TSGA10: variants seen among roughly 807,000 people sequenced by gnomAD.
The protein encoded by TSGA10 is testis-specific gene 10 protein.
A neutral mutation model predicts 96.6 loss-of-function variants in TSGA10; 43 were observed. That is an observed-to-expected ratio of 0.44 (90% CI 0.35 to 0.57). TSGA10 has a LOEUF of 0.57. Ranked by LOEUF, TSGA10 falls within the 20% of genes least tolerant of loss-of-function variation. The pLI, the probability that TSGA10 is intolerant of heterozygous loss-of-function variation, is 0.01. For synonymous variants in TSGA10, 229 were observed against 269.9 expected (o/e 0.85, Z 1.48); for missense variants, 703 against 834.4 (o/e 0.84, Z 1.94).
intron 16 of TSGA10, among the ~76,000 whole-genome samples, chr2:99,037,669 T>G (rs2081771441): frequency 6.6e-6 from 1 of 151,984 alleles, no homozygotes; most frequent in African/African-American, 2.4e-5. Context: ...GCCAACATAA[T>G]GAAACCCTGT....
At position 99,112,916 on chromosome 2, in the gene TSGA10, C is replaced by T. The variant is rs916958092; in HGVS notation, c.-139-2001G>A. 6.1e-5 allele frequency among the ~76,000 whole-genome samples: 9 copies of T among 147,712 alleles called. No homozygotes were observed. The South Asian group carries it at 6.5e-4, about 11-fold the overall frequency. On this transcript the variant is annotated intron_variant, in intron 4 of 20. Transcript: ENST00000393483. ...ACTTTACACAATGTCTTCCACACAGCGGGCTCTGAAATACTTTTTATTGAA... is the reference window on the plus strand; with the variant it reads ...ACTTTACACAATGTCTTCCACACAGTGGGCTCTGAAATACTTTTTATTGAA...
chr2:99,067,833 G>A (rs2085443932), intron 15 of TSGA10, among the ~76,000 whole-genome samples: 1 of 150,608 alleles, frequency 6.6e-6, no homozygotes, highest in Admixed American at 6.6e-5. Flanking sequence ...GCAATACAGT[G>A]AGCCTGTCTC....
intron 16 of TSGA10, among the ~76,000 whole-genome samples, chr2:99,054,683 A>G (rs976379806): frequency 5.3e-5 from 8 of 152,208 alleles, no homozygotes; most frequent in Non-Finnish European, 1.0e-4. Flanking sequence ...AAAAATGGGC[A>G]AAGAGCCTGA....
chr2:99,058,119 A>C (rs2084212315), intron 16 of TSGA10, among the ~76,000 whole-genome samples: 2 of 152,202 alleles, frequency 1.3e-5, no homozygotes, highest in African/African-American at 4.8e-5. Context: ...AAAATGCATC[A>C]AAGACCTAAT....
chr2:99,018,674 AAACTT>A (rs1464899589), intron 18 of TSGA10, 34 bp from the exon 19 acceptor site: 1 of 1,558,008 alleles, frequency 6.4e-7, no homozygotes, highest in Admixed American at 1.9e-5. Flanking sequence ...ATAGTTGACT[AAACTT>A]AAAATATGGC....
rs544686050 is a variant in TSGA10, at chr2:99,046,163, G to A, written c.1405-10724C>T. 3.1e-4 allele frequency among the ~76,000 whole-genome samples: 47 copies of A among 152,044 alleles called. 1 individual carries two copies. In the South Asian group the frequency reaches 3.7e-3, roughly 12 times the overall value. On this transcript the variant is annotated intron_variant, in intron 16 of 20. Coordinates refer to ENST00000393483, the MANE Select transcript of TSGA10 (RefSeq NM_025244.4). ...CCCACTGTCAACATTAGACAGATCA[G>A]CGAGACAGAAAGTTAACAAGGATAC...
At chr2:99,054,345 AACATAT>A (rs1180504393) in intron 16 of TSGA10, among the ~76,000 whole-genome samples, 4 of 152,182 alleles carry the variant, frequency 2.6e-5, no homozygotes, top group Admixed American at 1.3e-4. Context: ...CCCTTATTTC[AACATAT>A]ACAAAAATCA....
At chr2:99,081,245 G>T in intron 11 of TSGA10, 37 bp downstream of exon 11, 2 of 1,239,156 alleles carry the variant, frequency 1.6e-6, no homozygotes, top group Non-Finnish European at 2.3e-6. Context: ...CCAAACTTAA[G>T]AAAAACTAAA....
intron 11 of TSGA10, among the ~76,000 whole-genome samples, chr2:99,079,152 G>A (rs1317382894): frequency 6.6e-6 from 1 of 152,100 alleles, no homozygotes; most frequent in Non-Finnish European, 1.5e-5. Flanking sequence ...AACAATCTGC[G>A]GCATTTCTCT....
In TSGA10 at chr2:98,998,138, A is replaced by G. The variant is rs1558667181; in HGVS notation, c.*59T>C. On this transcript the variant is annotated 3_prime_UTR_variant, in exon 21 of 21. Transcript: ENST00000393483. ...GATAAATGCACTCATGTAGCAAAAAAAAAAAAATCAGTTTGTAACTTTGAC... is the reference window on the plus strand; with the variant it reads ...GATAAATGCACTCATGTAGCAAAAAGAAAAAAATCAGTTTGTAACTTTGAC... 11 of 1,510,556 alleles carry G rather than the reference A, an allele frequency of 7.3e-6. No individual in the cohort carries two copies. Among genetic ancestry groups the G allele is most frequent in the Non-Finnish European group, 9.9e-6 (11 of 1,112,320 alleles). The allele number at this position is 1,510,556 out of a possible 1,614,324, so 93.6% of individuals were successfully genotyped here.
chr2:99,000,920 G>A (rs955344973), intron 20 of TSGA10, among the ~76,000 whole-genome samples: 5 of 152,208 alleles, frequency 3.3e-5, no homozygotes, highest in Admixed American at 2.6e-4. Flanking sequence ...AAGGCTGGGA[G>A]AGGGGCATCC....
chr2:99,006,249 TA>T (rs2078459835), intron 20 of TSGA10, among the ~76,000 whole-genome samples: 1 of 152,140 alleles, frequency 6.6e-6, no homozygotes, highest in Admixed American at 6.6e-5. Context: ...ACTTCATGTC[TA>T]AAACACCAAA....
At chr2:99,075,703 T>G (rs2086627457) in intron 12 of TSGA10, among the ~76,000 whole-genome samples, 1 of 152,202 alleles carries the variant, frequency 6.6e-6, no homozygotes, top group Admixed American at 6.5e-5. Context: ...CATAAAATCT[T>G]ATACAAAGTT....
chr2:99,061,219 A>G (rs1235811865), intron 16 of TSGA10, among the ~76,000 whole-genome samples: 1 of 152,218 alleles, frequency 6.6e-6, no homozygotes, highest in Non-Finnish European at 1.5e-5. Flanking sequence ...AAGATGGGCA[A>G]TAGATTTGAA....
rs755106652 is a variant in TSGA10 at position 99,035,348 on chromosome 2, A to G, written c.1496T>C (p.Phe499Ser). Reference sequence around the variant, plus strand: ...ATCTGCAAGAGCGGACACTTTTTCAAACTGAACCTTCTGAAGCTCCTCTTC... The same window carrying G: ...ATCTGCAAGAGCGGACACTTTTTCAGACTGAACCTTCTGAAGCTCCTCTTC... ...KMEEELQKVQ[F>S]EKVSALADLS... The change falls in exon 17 of 21, where the codon TTT (phenylalanine) becomes TCT (serine). Residue 499 changes from phenylalanine to serine, a missense_variant. Around this residue, in one of 3 missense-constraint regions of TSGA10, gnomAD observed 585 missense variants for 656.8 expected, o/e 0.89. Transcript: ENST00000393483. The G allele has an allele frequency of 3.7e-6, 6 of 1,613,426 alleles. No individual in the cohort carries two copies. Among genetic ancestry groups the G allele is most frequent in the Middle Eastern group, 1.7e-4 (1 of 6,056 alleles).
At chr2:99,018,470 A>G in intron 19 of TSGA10, 66 bp downstream of exon 19, 1 of 1,572,974 alleles carries the variant, frequency 6.4e-7, no homozygotes, top group Admixed American at 1.8e-5. Flanking sequence ...ACCTCTTGTT[A>G]CCTAAGAAAC....
intron 12 of TSGA10, among the ~76,000 whole-genome samples, chr2:99,078,029 T>A (rs1415961954): frequency 1.3e-5 from 2 of 151,082 alleles, no homozygotes. Flanking sequence ...CCCAGCACTT[T>A]GGGAGGCTGA....
chr2:99,008,580 A>G (rs894686207), intron 20 of TSGA10, among the ~76,000 whole-genome samples: 7 of 152,220 alleles, frequency 4.6e-5, no homozygotes, highest in East Asian at 1.9e-4. Flanking sequence ...ACTTTCACAC[A>G]TTGCTGAAGG....
chr2:99,117,735 G>T lies in TSGA10; in HGVS notation c.-331C>A. On this transcript the variant is annotated 5_prime_UTR_variant, in exon 4 of 21. Transcript: ENST00000393483. ...TTCCTAACATATTCTTCCAAGCCAT[G>T]ATTTGTCTGTTTGAGATCTTCAATC... 1.0e-6 allele frequency: 1 copy of T among 985,616 alleles called. No homozygotes were observed. The highest frequency in any genetic ancestry group is 4.7e-5 in the South Asian group (1 of 21,276). 61.1% of individuals were successfully genotyped at this position (985,616 alleles called of 1,614,324 possible).
Sources: allele counts gnomAD v4.1 joint callset (sites outside exome capture counted in the v4.1 genomes callset), GRCh38; gene constraint gnomAD v4.1.1; regional missense constraint gnomAD v4.1.1; transcripts MANE v1.5; gene names NCBI Gene and HGNC (gene_info 2026-07-23, HGNC 2026-07-21).